The following ZKSCAN1 variants were observed in gnomAD, a reference collection of about 807,000 sequenced individuals.
ZKSCAN1 encodes zinc finger protein with KRAB and SCAN domains 1.
A neutral mutation model predicts 51.6 loss-of-function variants in ZKSCAN1; 14 were observed. The observed-to-expected ratio is 0.27, with a 90% CI of 0.18 to 0.42. The LOEUF is 0.42. ZKSCAN1 is among the 10% of genes least tolerant of loss of function. ZKSCAN1 has a pLI of 1.00. For synonymous variants in ZKSCAN1, 263 were observed against 261.5 expected (o/e 1.01, Z -0.06); for missense variants, 531 against 710.0 (o/e 0.75, Z 2.86).
rs1791594089 is a variant in ZKSCAN1, at chr7:100,041,559, G to A, written c.*7362G>A. 1.0e-6 allele frequency: 1 copy of A among 985,342 alleles called. No homozygotes were observed. Among genetic ancestry groups the A allele is most frequent in the Non-Finnish European group, 1.2e-6 (1 of 829,950 alleles). 61.0% of individuals were successfully genotyped at this position (985,342 alleles called of 1,614,324 possible). ...GTCAGTGGTCCATTTTAGGAAGCCAGTGGCGTCTGATAAAGAAATGTTAAG... is the reference window on the plus strand; with the variant it reads ...GTCAGTGGTCCATTTTAGGAAGCCAATGGCGTCTGATAAAGAAATGTTAAG... On this transcript the variant is annotated 3_prime_UTR_variant, in exon 6 of 6. Transcript: ENST00000324306.
In ZKSCAN1 at chr7:100,040,235, T is replaced by C; in HGVS notation, c.*6038T>C. ...TTTCATGATGTGTGGTTCCATTTAATAGCGGACACCACCCCAATCTCATGT... is the reference window on the plus strand; with the variant it reads ...TTTCATGATGTGTGGTTCCATTTAACAGCGGACACCACCCCAATCTCATGT... On this transcript the variant is annotated 3_prime_UTR_variant, in exon 6 of 6. Coordinates refer to ENST00000324306, the MANE Select transcript of ZKSCAN1 (RefSeq NM_003439.4). The C allele has an allele frequency of 1.1e-5, 11 of 985,440 alleles. No individual in the cohort carries two copies. Among genetic ancestry groups the C allele is most frequent in the Non-Finnish European group, 1.3e-5 (11 of 829,934 alleles). 61.0% of individuals were successfully genotyped at this position (985,440 alleles called of 1,614,324 possible). A position where few individuals can be genotyped will look rare whatever the true frequency, so the allele number is the denominator to read the frequency against.
intron 3 of ZKSCAN1, 123 bp downstream of exon 3, chr7:100,024,430 C>T: frequency 7.8e-7 from 1 of 1,280,530 alleles, no homozygotes; most frequent in Non-Finnish European, 1.1e-6. Flanking sequence ...CCCATCTCTA[C>T]AAAAAATAGA....
At chr7:100,027,616 C>T (rs1350948309) in intron 3 of ZKSCAN1, among the ~76,000 whole-genome samples, 2 of 151,076 alleles carry the variant, frequency 1.3e-5, no homozygotes, top group African/African-American at 2.4e-5. Context: ...GGCATGGTGG[C>T]GGGTGCCTGT....
Position 100,024,272 on chromosome 7 carries a change from A to G in ZKSCAN1, c.545A>G (p.His182Arg). The part of the protein sequence containing the change: ...HHEATQSHFK[H>R]SSRKPRLLQS... ...GAGGCCACCCAGTCCCACTTCAAACATTCGTCTCGGAAACCCCGCCTCTTA... is the reference window on the plus strand; with the variant it reads ...GAGGCCACCCAGTCCCACTTCAAACGTTCGTCTCGGAAACCCCGCCTCTTA... Residue 182 changes from histidine (H) to arginine (R), a missense_variant, in exon 3 of 6, where the codon CAT becomes CGT. Transcript: ENST00000324306. 2 of 1,613,890 alleles carry G rather than the reference A, an allele frequency of 1.2e-6. No homozygotes were observed. The highest frequency in any genetic ancestry group is 2.2e-5 in the East Asian group (1 of 44,870).
At chr7:100,023,071 C>T (rs1252142248) in intron 1 of ZKSCAN1, among the ~76,000 whole-genome samples, 1 of 151,856 alleles carries the variant, frequency 6.6e-6, no homozygotes, top group Non-Finnish European at 1.5e-5. Context: ...AGTGCAGTGG[C>T]GTAATCTCGG....
rs1354503097 is a variant in ZKSCAN1 at position 100,040,198 on chromosome 7, A to AT, written c.*6002dup. On this transcript the variant is annotated 3_prime_UTR_variant, in exon 6 of 6. Transcript: ENST00000324306. ...ATCCCACAATACAGAATGTCTTAAC[A>AT]TGAGAATTGAATTTCATGATGTGTG... 2 of 985,350 alleles carry AT rather than the reference A, an allele frequency of 2.0e-6. No individual in the cohort carries two copies. Among genetic ancestry groups the AT allele is most frequent in the Non-Finnish European group, 2.4e-6 (2 of 829,946 alleles). The allele number at this position is 985,350 out of a possible 1,614,324, so 61.0% of individuals were successfully genotyped here.
chr7:100,037,148 G>T lies in ZKSCAN1; in HGVS notation c.*2951G>T. 1.0e-6 allele frequency: 1 copy of T among 985,318 alleles called. No homozygotes were observed. The highest frequency in any genetic ancestry group is 1.2e-6 in the Non-Finnish European group (1 of 829,838). 61.0% of individuals were successfully genotyped at this position (985,318 alleles called of 1,614,324 possible). ...GTGTAATTGGGTCATGGTCAAAAAC[G>T]CTTGCAACATCTAATTGGCGTTCAA... On this transcript the variant is annotated 3_prime_UTR_variant, in exon 6 of 6. Coordinates refer to ENST00000324306, the MANE Select transcript of ZKSCAN1 (RefSeq NM_003439.4).
Position 100,038,506 on chromosome 7 carries a change from C to A in ZKSCAN1, c.*4309C>A, listed in dbSNP as rs1791459734. 2 of 985,248 alleles carry A rather than the reference C, an allele frequency of 2.0e-6. No individual in the cohort carries two copies. Among genetic ancestry groups the A allele is most frequent in the Middle Eastern group, 5.2e-4 (1 of 1,936 alleles). 61.0% of individuals were successfully genotyped at this position (985,248 alleles called of 1,614,324 possible). ...AGCCTTTTGAATTTTTCCTCAAAAC[C>A]AAGAAGTTGACCTCTGAGCTGTCAG... On this transcript the variant is annotated 3_prime_UTR_variant, in exon 6 of 6. Coordinates refer to ENST00000324306, the MANE Select transcript of ZKSCAN1 (RefSeq NM_003439.4).
Position 100,035,090 on chromosome 7 carries a change from C to T in ZKSCAN1, c.*893C>T, listed in dbSNP as rs932991403. 6.6e-6 allele frequency: 1 copy of T among 152,656 alleles called. No homozygotes were observed. The highest frequency in any genetic ancestry group is 2.4e-5 in the African/African-American group (1 of 41,454). The allele number at this position is 152,656 out of a possible 1,614,324, so 9.5% of individuals were successfully genotyped here. On this transcript the variant is annotated 3_prime_UTR_variant, in exon 6 of 6. Transcript: ENST00000324306. The stretch of plus-strand genomic sequence containing the variant: ...TCAAGGGATATATTTCTATCCCTGC[C>T]AGCACAGTGCTGGACATAGTGAGTA...
Position 100,037,288 on chromosome 7 carries a change from A to G in ZKSCAN1, c.*3091A>G, listed in dbSNP as rs1791406441. On this transcript the variant is annotated 3_prime_UTR_variant, in exon 6 of 6. Coordinates refer to ENST00000324306, the MANE Select transcript of ZKSCAN1 (RefSeq NM_003439.4). ...GGAAATTTTTGAAGAGTTTTTCAATATATACCCTACCCTTGCCAGGAAGAG... is the reference window on the plus strand; with the variant it reads ...GGAAATTTTTGAAGAGTTTTTCAATGTATACCCTACCCTTGCCAGGAAGAG... The G allele has an allele frequency of 1.0e-6, 1 of 985,446 alleles. No individual in the cohort carries two copies. Among genetic ancestry groups the G allele is most frequent in the African/African-American group, 1.7e-5 (1 of 57,364 alleles). 61.0% of individuals were successfully genotyped at this position (985,446 alleles called of 1,614,324 possible).
rs778675147 is a variant in ZKSCAN1 at position 100,023,526 on chromosome 7, G to A, written c.20G>A (p.Arg7Gln). The A allele has an allele frequency of 1.4e-5, 23 of 1,611,436 alleles. No homozygotes were observed. The highest frequency in any genetic ancestry group is 4.4e-5 in the South Asian group (4 of 90,880). MMTAES[R>Q]EATGLSPQAA... Reference sequence around the variant, plus strand: ...GCCTGAATGATGACTGCTGAATCACGGGAAGCCACGGGTCTGTCCCCACAG... The same window carrying A: ...GCCTGAATGATGACTGCTGAATCACAGGAAGCCACGGGTCTGTCCCCACAG... Residue 7 changes from arginine (R) to glutamine (Q), a missense_variant, in exon 2 of 6, where the codon CGG becomes CAG. Transcript: ENST00000324306.
At chr7:100,016,495 T>C (rs1048680245) in intron 1 of ZKSCAN1, among the ~76,000 whole-genome samples, 3 of 152,184 alleles carry the variant, frequency 2.0e-5, no homozygotes, top group African/African-American at 7.2e-5. Context: ...GGAGACTGAT[T>C]AGCTGAGTGA....
intron 1 of ZKSCAN1, among the ~76,000 whole-genome samples, chr7:100,018,629 C>T (rs1341433575): frequency 4.6e-5 from 7 of 152,074 alleles, no homozygotes; most frequent in African/African-American, 7.2e-5. Flanking sequence ...CCTCGTGATC[C>T]GCCCACCTCA....
intron 3 of ZKSCAN1, among the ~76,000 whole-genome samples, chr7:100,026,941 T>G (rs1790862258): frequency 6.6e-6 from 1 of 151,920 alleles, no homozygotes; most frequent in South Asian, 2.1e-4. Flanking sequence ...TTTTTAAGCT[T>G]TTTTTGTTAA....
At position 100,034,721 on chromosome 7, in the gene ZKSCAN1, C is replaced by G. The variant is rs1791274719; in HGVS notation, c.*524C>G. On this transcript the variant is annotated 3_prime_UTR_variant, in exon 6 of 6. Coordinates refer to ENST00000324306, the MANE Select transcript of ZKSCAN1 (RefSeq NM_003439.4). ...ATACGATAAGTTGTATATATGATCA[C>G]TGGTAGCCTACCAAAGCTGTAGAAA... The G allele has an allele frequency of 4.1e-6, 1 of 242,552 alleles. No homozygotes were observed. The highest frequency in any genetic ancestry group is 1.5e-4 in the South Asian group (1 of 6,722). 15.0% of individuals were successfully genotyped at this position (242,552 alleles called of 1,614,324 possible).
chr7:100,044,504 A>T (rs1791674979), downstream of ZKSCAN1, among the ~76,000 whole-genome samples: 1 of 150,642 alleles, frequency 6.6e-6, no homozygotes, highest in South Asian at 2.1e-4. Flanking sequence ...CGTCTCTACT[A>T]AAAAAAATAC....
rs1193900481 is a variant in ZKSCAN1 at position 100,038,817 on chromosome 7, A to C, written c.*4620A>C. 2 of 781,250 alleles carry C rather than the reference A, an allele frequency of 2.6e-6. No individual in the cohort carries two copies. The highest frequency in any genetic ancestry group is 3.1e-6 in the Non-Finnish European group (2 of 644,036). The allele number at this position is 781,250 out of a possible 1,614,324, so 48.4% of individuals were successfully genotyped here. Reference sequence around the variant, plus strand: ...GAGACCATCCTGGCTAACATGGCGAAACCCCGTCTCTACTAAAAATACAAA... The same window carrying C: ...GAGACCATCCTGGCTAACATGGCGACACCCCGTCTCTACTAAAAATACAAA... On this transcript the variant is annotated 3_prime_UTR_variant, in exon 6 of 6. Transcript: ENST00000324306.
rs867118222 is a variant in ZKSCAN1, at chr7:100,017,219, A to T, written c.-89+1493A>T. On this transcript the variant is annotated intron_variant, in intron 1 of 5. Transcript: ENST00000324306. Reference sequence around the variant, plus strand: ...GTAAAGGGCAAAGGGCAATTTATTTAAAAAAAAATTTTTTTTTTTTTGAGA... The same window carrying T: ...GTAAAGGGCAAAGGGCAATTTATTTTAAAAAAAATTTTTTTTTTTTTGAGA... 1.9e-4 allele frequency among the ~76,000 whole-genome samples: 28 copies of T among 150,546 alleles called. 1 individual carries two copies. The highest frequency in any genetic ancestry group is 6.9e-3 in the Middle Eastern group (2 of 290).
At chr7:100,030,073 C>G in intron 4 of ZKSCAN1, 121 bp downstream of exon 4, 7 of 1,396,168 alleles carry the variant, frequency 5.0e-6, no homozygotes, top group Non-Finnish European at 6.9e-6. Flanking sequence ...CCAACCCTGT[C>G]CTCTCCTTTT....
Sources: allele counts gnomAD v4.1 joint callset (sites outside exome capture counted in the v4.1 genomes callset), GRCh38; gene constraint gnomAD v4.1.1; transcripts MANE v1.5; gene names NCBI Gene and HGNC (gene_info 2026-07-23, HGNC 2026-07-21).